The following CADM2 variants were observed in gnomAD, a reference collection of about 807,000 sequenced individuals.
CADM2 encodes the protein cell adhesion molecule 2.
Under a neutral mutation model 49.8 loss-of-function variants are expected in CADM2, and 12 were observed. The ratio of observed to expected loss-of-function variants is 0.24; its 90% CI spans 0.15 to 0.39. CADM2 has a LOEUF of 0.39. CADM2 is among the 10% of genes least tolerant of loss of function. The pLI is 1.00. For missense variants in CADM2, 378 were observed against 492.3 expected (o/e 0.77, Z 2.20); for synonymous variants, 214 against 175.4 (o/e 1.22, Z -1.74).
chr3:85,793,080 T>C (rs914906648), intron 2 of CADM2, among the ~76,000 whole-genome samples: 7 of 152,140 alleles, frequency 4.6e-5, no homozygotes, highest in Non-Finnish European at 8.8e-5. Flanking sequence ...ATTCCTAATG[T>C]ATTCAAAAAA....
intron 1 of CADM2, among the ~76,000 whole-genome samples, chr3:85,195,136 G>T (rs2041310540): frequency 6.6e-6 from 1 of 152,192 alleles, no homozygotes; most frequent in Non-Finnish European, 1.5e-5. Context: ...AAGGGTTCAT[G>T]CCCAAAACAT....
intron 8 of CADM2, among the ~76,000 whole-genome samples, chr3:86,034,409 T>C (rs980088240): frequency 1.3e-5 from 2 of 152,014 alleles, no homozygotes; most frequent in Admixed American, 1.3e-4. Context: ...GTTCTCACCT[T>C]CCACGACATG....
chr3:85,394,204 T>G (rs2034660353), intron 1 of CADM2, among the ~76,000 whole-genome samples: 1 of 152,230 alleles, frequency 6.6e-6, no homozygotes, highest in Admixed American at 6.5e-5. Context: ...GTTATTCTTT[T>G]ATAGTTGATA....
intron 1 of CADM2, among the ~76,000 whole-genome samples, chr3:85,267,986 A>C (rs1463722960): frequency 2.0e-5 from 3 of 151,300 alleles, no homozygotes; most frequent in African/African-American, 7.3e-5. Flanking sequence ...AATGCCATGG[A>C]TATATTGGAG....
At chr3:86,005,786 G>A (rs1730714529) in intron 8 of CADM2, among the ~76,000 whole-genome samples, 1 of 152,042 alleles carries the variant, frequency 6.6e-6, no homozygotes, top group Non-Finnish European at 1.5e-5. Flanking sequence ...GTAGGTCTTT[G>A]TGCTGTCAAA....
At chr3:85,221,634 A>T (rs2042046227) in intron 1 of CADM2, among the ~76,000 whole-genome samples, 1 of 152,152 alleles carries the variant, frequency 6.6e-6, no homozygotes, top group Admixed American at 6.6e-5. Flanking sequence ...TGAGAAATGG[A>T]TTTATAGGCA....
chr3:85,490,775 A>G (rs2039637910), intron 1 of CADM2, among the ~76,000 whole-genome samples: 1 of 152,108 alleles, frequency 6.6e-6, no homozygotes, highest in Non-Finnish European at 1.5e-5. Context: ...GAAAATTGCC[A>G]TTTAAAGTCC....
At chr3:85,963,373 T>C (rs1725079719) in intron 8 of CADM2, among the ~76,000 whole-genome samples, 1 of 151,948 alleles carries the variant, frequency 6.6e-6, no homozygotes, top group South Asian at 2.1e-4. Flanking sequence ...CTGGCCTTTC[T>C]GCCAGAGAGA....
intron 3 of CADM2, among the ~76,000 whole-genome samples, chr3:85,835,786 G>A (rs2074385169): frequency 6.8e-6 from 1 of 146,216 alleles, no homozygotes; most frequent in Non-Finnish European, 1.5e-5. Context: ...TCCCTTGCTT[G>A]CAAAAAACAG....
At chr3:86,032,542 A>C (rs1231884303) in intron 8 of CADM2, among the ~76,000 whole-genome samples, 1 of 151,932 alleles carries the variant, frequency 6.6e-6, no homozygotes, top group Non-Finnish European at 1.5e-5. Context: ...GAAGAAATTA[A>C]AGTCAATGAA....
chr3:85,554,323 C>A (rs1200275415), intron 1 of CADM2, among the ~76,000 whole-genome samples: 1 of 152,124 alleles, frequency 6.6e-6, no homozygotes, highest in Non-Finnish European at 1.5e-5. Flanking sequence ...GGAGTTCAGG[C>A]GGTAATGCTG....
chr3:85,270,834 G>C (rs888059589), intron 1 of CADM2, among the ~76,000 whole-genome samples: 1 of 151,360 alleles, frequency 6.6e-6, no homozygotes, highest in Non-Finnish European at 1.5e-5. Flanking sequence ...AACATTGACT[G>C]CTTCTAAGTG....
At chr3:85,180,304 T>C (rs566413338) in intron 1 of CADM2, among the ~76,000 whole-genome samples, 3 of 151,194 alleles carry the variant, frequency 2.0e-5, no homozygotes, top group Admixed American at 6.6e-5. Flanking sequence ...AGGTCAGGAG[T>C]TTGAGACCAC....
chr3:85,641,353 C>G (rs1019755148), intron 1 of CADM2, among the ~76,000 whole-genome samples: 2 of 152,106 alleles, frequency 1.3e-5, no homozygotes, highest in Non-Finnish European at 2.9e-5. Flanking sequence ...TCATGAGGCA[C>G]GTAGAACTAT....
chr3:85,842,014 C>T (rs2074660123), intron 3 of CADM2, among the ~76,000 whole-genome samples: 1 of 152,006 alleles, frequency 6.6e-6, no homozygotes, highest in African/African-American at 2.4e-5. Context: ...TTATCATGCT[C>T]ACATTACTTG....
At chr3:85,431,951 T>G in intron 1 of CADM2, among the ~76,000 whole-genome samples, 1 of 134,578 alleles carries the variant, frequency 7.4e-6, no homozygotes, top group African/African-American at 2.7e-5. Flanking sequence ...GGAAGGAAGA[T>G]TAGAGGAGGT....
At chr3:85,190,976 G>A (rs1387271702) in intron 1 of CADM2, among the ~76,000 whole-genome samples, 1 of 152,038 alleles carries the variant, frequency 6.6e-6, no homozygotes, top group African/African-American at 2.4e-5. Context: ...GAGGTATAAT[G>A]TATAGCAACT....
At chr3:85,542,484 T>C (rs2061572524) in intron 1 of CADM2, among the ~76,000 whole-genome samples, 1 of 152,204 alleles carries the variant, frequency 6.6e-6, no homozygotes. Context: ...ACTTGCATAT[T>C]ATATTTACCA....
At chr3:86,044,196 CCAAAATTGA>C (rs1288496639) in intron 8 of CADM2, among the ~76,000 whole-genome samples, 3 of 152,106 alleles carry the variant, frequency 2.0e-5, no homozygotes, top group African/African-American at 4.8e-5. Flanking sequence ...GCAACACAAG[CCAAAATTGA>C]CAAATGGGAT....
Sources: gnomAD v4.1 joint callset for allele counts (sites outside exome capture counted in the v4.1 genomes callset) on GRCh38, gnomAD v4.1.1 for gene constraint, MANE v1.5 for transcripts, NCBI Gene and HGNC (gene_info 2026-07-23, HGNC 2026-07-21) for gene names.